Variants in WBP1 observed in about 807,000 individuals in gnomAD.
WBP1 encodes the protein WW domain-binding protein 1.
WBP1 carries 18 observed loss-of-function variants against 25.6 expected under a neutral mutation model. The ratio of observed to expected loss-of-function variants is 0.70; its 90% CI spans 0.49 to 1.04. The LOEUF is 1.04. WBP1 is among the 50% of genes least tolerant of loss of function. The pLI is 0.00. For missense variants in WBP1, 330 were observed against 352.9 expected (o/e 0.94, Z 0.52); for synonymous variants, 122 against 137.7 (o/e 0.89, Z 0.80).
chr2:74,458,889 T>C, intron 1 of WBP1: 1 of 1,550,772 alleles, frequency 6.4e-7, no homozygotes, highest in South Asian at 1.2e-5. Context: ...CAGTGGAAGC[T>C]TGCGGTGGCT....
intron 2 of WBP1, 47 bp downstream of exon 2, chr2:74,459,792 C>T (rs771143913): frequency 6.8e-6 from 11 of 1,613,578 alleles, no homozygotes; most frequent in Non-Finnish European, 8.5e-6. Context: ...TCCACCCTCC[C>T]TTGGACCTCA....
intron 1 of WBP1, chr2:74,458,989 C>T: frequency 1.9e-6 from 3 of 1,550,618 alleles, no homozygotes; most frequent in Non-Finnish European, 2.6e-6. Context: ...TGCCTATTGT[C>T]ACAACAGAGT....
At chr2:74,459,147 G>T (rs775882735) in intron 1 of WBP1, 1 of 1,533,018 alleles carries the variant, frequency 6.5e-7, no homozygotes, top group South Asian at 1.2e-5. Flanking sequence ...CTATCCTAGG[G>T]AGCCTGAGGC....
chr2:74,459,161 G>A (rs763298138), intron 1 of WBP1: 4 of 1,523,354 alleles, frequency 2.6e-6, no homozygotes, highest in Admixed American at 4.0e-5. Context: ...CTGAGGCCCA[G>A]GGGTGGAAAG....
At chr2:74,459,118 G>C in intron 1 of WBP1, 1 of 1,542,102 alleles carries the variant, frequency 6.5e-7, no homozygotes, top group Non-Finnish European at 8.7e-7. Flanking sequence ...ACTGCTCTGG[G>C]TCTCACACTG....
chr2:74,458,525 G>C lies in WBP1; in HGVS notation c.-78G>C. The C allele has an allele frequency of 6.6e-7, 1 of 1,519,994 alleles. No individual in the cohort carries two copies. Among genetic ancestry groups the C allele is most frequent in the South Asian group, 1.2e-5 (1 of 80,894 alleles). 94.2% of individuals were successfully genotyped at this position (1,519,994 alleles called of 1,614,324 possible). A position where few individuals can be genotyped will look rare whatever the true frequency, so the allele number is the denominator to read the frequency against. ...AGATGGGCCGGGCAGGGACCATGGC[G>C]GTGGCAGCAGAGGTGGCAGGGGCGG... On this transcript the variant is annotated 5_prime_UTR_variant, in exon 1 of 4. Transcript: ENST00000233615.
chr2:74,460,471 C>G lies in WBP1; in HGVS notation c.600C>G (p.Pro200=), dbSNP rs1183302423. The change falls in exon 4 of 4, where the codon CCC becomes CCG. Residue 200 remains proline, a synonymous_variant. Coordinates refer to ENST00000233615, the MANE Select transcript of WBP1 (RefSeq NM_012477.4). ...PGAGVTPAST[P]PSCRYRRLTG... The stretch of plus-strand genomic sequence containing the variant: ...CAGGGGTGACCCCTGCCTCCACACC[C>G]CCCTCCTGCCGCTATCGCCGTTTAA... 1 of 1,613,400 alleles carries G rather than the reference C, an allele frequency of 6.2e-7. No individual in the cohort carries two copies. The highest frequency in any genetic ancestry group is 8.5e-7 in the Non-Finnish European group (1 of 1,179,936).
intron 1 of WBP1, chr2:74,459,346 G>A: frequency 1.6e-6 from 1 of 612,000 alleles, no homozygotes; most frequent in Non-Finnish European, 2.9e-6. Context: ...AGGGGGGTTG[G>A]GGAGAGTGAG....
In WBP1 at chr2:74,460,491, G is replaced by C. The variant is rs144263559; in HGVS notation, c.620G>C (p.Arg207Pro). ...ACACCCCCCTCCTGCCGCTATCGCC[G>C]TTTAACTGGCGACTCCGGTATTGAG... ...ASTPPSCRYRRLTGDSGIELC... is the reference protein window; with the variant it reads ...ASTPPSCRYRPLTGDSGIELC... The change falls in exon 4 of 4, where the codon CGT (arginine) becomes CCT (proline). Residue 207 changes from arginine (R) to proline (P), a missense_variant. Coordinates refer to ENST00000233615, the MANE Select transcript of WBP1 (RefSeq NM_012477.4). 2 of 1,613,590 alleles carry C rather than the reference G, an allele frequency of 1.2e-6. No individual in the cohort carries two copies. The highest frequency in any genetic ancestry group is 1.1e-5 in the South Asian group (1 of 91,060).
At position 74,459,921 on chromosome 2, in the gene WBP1, C is replaced by T. The variant is rs143588699; in HGVS notation, c.221C>T (p.Ala74Val). Reference sequence around the variant, plus strand: ...CTCATCCTCTTTAGCTGCTGTTGCGCCTTCCGCCACCGACGAGCTAAACTC... The same window carrying T: ...CTCATCCTCTTTAGCTGCTGTTGCGTCTTCCGCCACCGACGAGCTAAACTC... ...TVLILFSCCC[A>V]FRHRRAKLRL... The change falls in exon 3 of 4, where the codon GCC becomes GTC. Residue 74 changes from alanine (A) to valine (V), a missense_variant. Ala to Val is a moderately conservative substitution (Grantham distance 64). Transcript: ENST00000233615. 1.9e-6 allele frequency: 3 copies of T among 1,614,198 alleles called. No homozygotes were observed. Among genetic ancestry groups the T allele is most frequent in the Non-Finnish European group, 2.5e-6 (3 of 1,180,028 alleles).
In WBP1 at chr2:74,460,739, T is replaced by C; in HGVS notation, c.*58T>C. The stretch of plus-strand genomic sequence containing the variant: ...CACCAGAAACAGCCCTAGTCCCAAC[T>C]CCTTGCGTTCCTTTGGCCCCTCCCT... On this transcript the variant is annotated 3_prime_UTR_variant, in exon 4 of 4. Transcript: ENST00000233615. 7.1e-7 allele frequency: 1 copy of C among 1,408,882 alleles called. No homozygotes were observed. Among genetic ancestry groups the C allele is most frequent in the Non-Finnish European group, 9.6e-7 (1 of 1,046,440 alleles). 87.3% of individuals were successfully genotyped at this position (1,408,882 alleles called of 1,614,324 possible).
chr2:74,459,348 G>GGGGGGGGGGGTGGGGC, intron 1 of WBP1: 1 of 492,098 alleles, frequency 2.0e-6, no homozygotes. Context: ...GGGGGTTGGG[G>GGGGGGGGGGGTGGGGC]AGAGTGAGGC....
At chr2:74,459,382 T>C in intron 1 of WBP1, 2 of 631,636 alleles carry the variant, frequency 3.2e-6, no homozygotes, top group Non-Finnish European at 5.7e-6. Context: ...AAGTCTCATA[T>C]ATGCAGAGCT....
chr2:74,460,804 G>A lies in WBP1; in HGVS notation c.*123G>A. 1.2e-6 allele frequency: 1 copy of A among 867,090 alleles called. No individual in the cohort carries two copies. Among genetic ancestry groups the A allele is most frequent in the Non-Finnish European group, 1.8e-6 (1 of 567,586 alleles). The allele number at this position is 867,090 out of a possible 1,614,324, so 53.7% of individuals were successfully genotyped here. ...TGCCTGAAAGGGCTGGAGAGGGGCA[G>A]TATTGGGGGACTGTGCTAGCTTTAC... On this transcript the variant is annotated 3_prime_UTR_variant, in exon 4 of 4. Coordinates refer to ENST00000233615, the MANE Select transcript of WBP1 (RefSeq NM_012477.4).
chr2:74,458,872 A>G, intron 1 of WBP1: 1 of 1,550,542 alleles, frequency 6.4e-7, no homozygotes, highest in Non-Finnish European at 8.7e-7. Flanking sequence ...AACCCATCCC[A>G]TGGCTGCAGT....
At position 74,459,312 on chromosome 2, in the gene WBP1, A is replaced by G. The variant is rs867542103; in HGVS notation, c.70-331A>G. On this transcript the variant is annotated intron_variant, in intron 1 of 3. Coordinates refer to ENST00000233615, the MANE Select transcript of WBP1 (RefSeq NM_012477.4). ...GCTTCTGCCAAAACACTCCCTTAAC[A>G]GAAAGCACCGAGGGGATGGGGGTAG... 10 of 454,568 alleles carry G rather than the reference A, an allele frequency of 2.2e-5. No homozygotes were observed. The Middle Eastern group carries it at 1.9e-3, about 87-fold the overall frequency. 28.2% of individuals were successfully genotyped at this position (454,568 alleles called of 1,614,324 possible).
At chr2:74,459,478 C>T (rs959571896) in intron 1 of WBP1, 165 bp from the exon 2 acceptor site, 8 of 668,794 alleles carry the variant, frequency 1.2e-5, no homozygotes, top group Non-Finnish European at 1.8e-5. Flanking sequence ...ACGTTGACAG[C>T]CCTTCAGATA....
At chr2:74,460,157 T>C in intron 3 of WBP1, 64 bp from the exon 4 acceptor site, 1 of 1,569,708 alleles carries the variant, frequency 6.4e-7, no homozygotes, top group Non-Finnish European at 8.7e-7. Context: ...TTTTCCCTAA[T>C]ATAAAAACTA....
Position 74,458,458 on chromosome 2 carries a change from C to G in WBP1, c.-145C>G. The G allele has an allele frequency of 6.9e-7, 1 of 1,453,778 alleles. No individual in the cohort carries two copies. The highest frequency in any genetic ancestry group is 9.1e-7 in the Non-Finnish European group (1 of 1,101,630). The allele number at this position is 1,453,778 out of a possible 1,614,324, so 90.1% of individuals were successfully genotyped here. A position where few individuals can be genotyped will look rare whatever the true frequency, so the allele number is the denominator to read the frequency against. ...GAGTCCTAGTTGGTGGAGTTCTGCC[C>G]GGATGGAAGCTCCGGCCGCGGAGTG... On this transcript the variant is annotated 5_prime_UTR_variant, in exon 1 of 4. Coordinates refer to ENST00000233615, the MANE Select transcript of WBP1 (RefSeq NM_012477.4).
Sources: gnomAD v4.1 joint callset for allele counts on GRCh38, gnomAD v4.1.1 for gene constraint, MANE v1.5 for transcripts, NCBI Gene and HGNC (gene_info 2026-07-23, HGNC 2026-07-21) for gene names.